TMEM108: variants seen among roughly 807,000 people sequenced by gnomAD.
The protein encoded by TMEM108 is transmembrane protein 108, also known as cancer/testis antigen 124.
In TMEM108, 12 loss-of-function variants were observed where a neutral mutation model predicts 35.1. The observed-to-expected ratio is 0.34, with a 90% CI of 0.22 to 0.55. TMEM108 has a LOEUF of 0.55. TMEM108 is among the 20% of genes least tolerant of loss of function. The pLI, the probability that TMEM108 is intolerant of heterozygous loss-of-function variation, is 0.89. For missense variants in TMEM108, 680 were observed against 753.3 expected (o/e 0.90, Z 1.14); for synonymous variants, 287 against 308.6 (o/e 0.93, Z 0.73).
chr3:133,388,755 G>A, intron 4 of TMEM108: 1 of 985,456 alleles, frequency 1.0e-6, no homozygotes. Flanking sequence ...GAAAGCTACA[G>A]AATTCCCCAG....
chr3:133,092,486 AT>A (rs199569964), intron 2 of TMEM108, among the ~76,000 whole-genome samples: 2 of 152,038 alleles, frequency 1.3e-5, no homozygotes, highest in East Asian at 1.9e-4. Flanking sequence ...GACTTTTAGA[AT>A]TTTTTTTATT....
chr3:133,381,836 A>G (rs1310218073), intron 4 of TMEM108, among the ~76,000 whole-genome samples: 1 of 152,202 alleles, frequency 6.6e-6, no homozygotes, highest in Non-Finnish European at 1.5e-5. Flanking sequence ...CTTGAGAGTT[A>G]CGTAAACTCT....
chr3:133,184,521 T>A lies in TMEM108; in HGVS notation c.-46-44745T>A, dbSNP rs191137358. 8.5e-4 allele frequency among the ~76,000 whole-genome samples: 128 copies of A among 150,852 alleles called. 1 individual carries two copies. In the East Asian group the frequency reaches 0.022, roughly 26 times the overall value. On this transcript the variant is annotated intron_variant, in intron 2 of 5. Transcript: ENST00000321871. ...AATCTTAGATTTCTACAGTTAAAAA[T>A]TTTTTTTACCATTGCCTTGACACCT...
intron 3 of TMEM108, among the ~76,000 whole-genome samples, chr3:133,348,937 A>G (rs2071902528): frequency 6.6e-6 from 1 of 152,206 alleles, no homozygotes; most frequent in Non-Finnish European, 1.5e-5. Context: ...TCCATAGACA[A>G]AACAAAATCA....
chr3:133,064,198 G>A (rs1382286162), intron 2 of TMEM108, among the ~76,000 whole-genome samples: 1 of 152,106 alleles, frequency 6.6e-6, no homozygotes, highest in African/African-American at 2.4e-5. Flanking sequence ...CACTTCTCCT[G>A]AGCTAAAAAG....
chr3:133,141,512 A>G lies in TMEM108; in HGVS notation c.-46-87754A>G, dbSNP rs139083036. Among the ~76,000 whole-genome samples, 1,245 of 152,292 alleles carry G rather than the reference A, an allele frequency of 8.2e-3. 11 individuals carry two copies. The highest frequency in any genetic ancestry group is 0.071 in the Middle Eastern group (21 of 294). ...AGCAGAAAAAGTAACCTCAGACGCT[A>G]CCTGTCCATGGGATGGGCTGTATTA... On this transcript the variant is annotated intron_variant, in intron 2 of 5. Coordinates refer to ENST00000321871, the MANE Select transcript of TMEM108 (RefSeq NM_023943.4).
chr3:133,365,033 C>T (rs1353894181), intron 3 of TMEM108, among the ~76,000 whole-genome samples: 1 of 152,158 alleles, frequency 6.6e-6, no homozygotes, highest in Non-Finnish European at 1.5e-5. Context: ...TTACAGGAAC[C>T]AGTCATTGGA....
At chr3:133,299,668 G>C (rs1271942190) in intron 3 of TMEM108, among the ~76,000 whole-genome samples, 1 of 152,110 alleles carries the variant, frequency 6.6e-6, no homozygotes, top group Non-Finnish European at 1.5e-5. Flanking sequence ...CAGGCCCACT[G>C]TTCTTCTTTG....
chr3:133,288,094 T>C (rs1348714770), intron 3 of TMEM108, among the ~76,000 whole-genome samples: 1 of 152,174 alleles, frequency 6.6e-6, no homozygotes, highest in Non-Finnish European at 1.5e-5. Flanking sequence ...GAGCATTTGT[T>C]TCTTGCCCGC....
intron 3 of TMEM108, among the ~76,000 whole-genome samples, chr3:133,243,842 G>A (rs1277390067): frequency 6.6e-6 from 1 of 152,104 alleles, no homozygotes; most frequent in Non-Finnish European, 1.5e-5. Flanking sequence ...TTTTTAATGA[G>A]TGTCGTAGGT....
intron 3 of TMEM108, among the ~76,000 whole-genome samples, chr3:133,343,496 G>C (rs1355508316): frequency 6.6e-6 from 1 of 151,914 alleles, no homozygotes; most frequent in Non-Finnish European, 1.5e-5. Flanking sequence ...AGGTGAATGA[G>C]TAAACAAACT....
At chr3:133,194,951 T>A (rs1227548835) in intron 2 of TMEM108, among the ~76,000 whole-genome samples, 1 of 152,186 alleles carries the variant, frequency 6.6e-6, no homozygotes, top group Non-Finnish European at 1.5e-5. Flanking sequence ...CAAAGGACAA[T>A]AGATGACAGA....
intron 2 of TMEM108, among the ~76,000 whole-genome samples, chr3:133,221,936 A>G (rs893279497): frequency 6.6e-6 from 1 of 152,122 alleles, no homozygotes. Flanking sequence ...CCTCCATACT[A>G]AAGATAAAGG....
At chr3:133,229,500 C>A in intron 3 of TMEM108, 149 bp downstream of exon 3, 1 of 615,116 alleles carries the variant, frequency 1.6e-6, no homozygotes, top group Non-Finnish European at 2.7e-6. Flanking sequence ...GATGAAGTAT[C>A]AAGCGTTAAG....
intron 2 of TMEM108, among the ~76,000 whole-genome samples, chr3:133,178,033 A>C (rs566814173): frequency 1.3e-5 from 2 of 152,310 alleles, no homozygotes; most frequent in African/African-American, 4.8e-5. Context: ...ACAAACAGAG[A>C]GCCAAATCAT....
intron 2 of TMEM108, among the ~76,000 whole-genome samples, chr3:133,212,886 A>AGG (rs1183692149): frequency 1.3e-5 from 2 of 150,964 alleles, no homozygotes; most frequent in Non-Finnish European, 3.0e-5. Flanking sequence ...AAAAAGGAAA[A>AGG]AAAAAAAGAA....
chr3:133,387,267 A>G (rs1322090920), intron 4 of TMEM108: 21 of 985,362 alleles, frequency 2.1e-5, no homozygotes, highest in Non-Finnish European at 2.3e-5. Flanking sequence ...AAGCCTATGA[A>G]GTTCATCTTA....
rs192128409 is a variant in TMEM108, at chr3:133,059,572, G to A, written c.-47+13552G>A. Among the ~76,000 whole-genome samples, 302 of 152,300 alleles carry A rather than the reference G, an allele frequency of 2.0e-3. 1 individual carries two copies. Among genetic ancestry groups the A allele is most frequent in the African/African-American group, 6.9e-3 (287 of 41,572 alleles). On this transcript the variant is annotated intron_variant, in intron 2 of 5. Coordinates refer to ENST00000321871, the MANE Select transcript of TMEM108 (RefSeq NM_023943.4). ...CTACTAGGAAATGAGAGAGGCCTAG[G>A]TTTTCTTCTTTCAGACCTCGCATAA...
At chr3:133,059,668 G>A (rs573613417) in intron 2 of TMEM108, among the ~76,000 whole-genome samples, 209 of 152,292 alleles carry the variant, frequency 1.4e-3, no homozygotes, top group African/African-American at 4.8e-3. Flanking sequence ...TGTGAGTTAG[G>A]CTCATAATTG....
Sources: gnomAD v4.1 joint callset for allele counts (sites outside exome capture counted in the v4.1 genomes callset) on GRCh38, gnomAD v4.1.1 for gene constraint, MANE v1.5 for transcripts, NCBI Gene and HGNC (gene_info 2026-07-23, HGNC 2026-07-21) for gene names.